The following SAMD5 variants were observed in gnomAD, a reference collection of about 807,000 sequenced individuals.
The protein encoded by SAMD5 is sterile alpha motif domain-containing protein 5.
A neutral mutation model predicts 11.3 loss-of-function variants in SAMD5; 13 were observed. That is an observed-to-expected ratio of 1.15 (90% CI 0.75 to 1.83). The LOEUF (loss-of-function observed/expected upper bound fraction) is 1.83, where lower values mean the gene tolerates loss of function less well. Among genes scored for constraint, SAMD5 ranks in the 40% most tolerant of loss-of-function variants. SAMD5 has a pLI of 0.00. For missense variants in SAMD5, 255 were observed against 239.1 expected (o/e 1.07, Z -0.44); for synonymous variants, 129 against 111.3 (o/e 1.16, Z -1.00).
intron 1 of SAMD5, among the ~76,000 whole-genome samples, chr6:147,545,402 C>A (rs1583076224): frequency 6.6e-6 from 1 of 152,230 alleles, no homozygotes; most frequent in East Asian, 1.9e-4. Flanking sequence ...ACTTTTGCCT[C>A]CTGGTTTGTA....
the SAMD5 span, among the ~76,000 whole-genome samples, chr6:147,752,547 G>A: frequency 6.6e-6 from 1 of 152,060 alleles, no homozygotes; most frequent in Non-Finnish European, 1.5e-5. Context: ...AGGCTTGCAA[G>A]TAATAATTAT....
the SAMD5 span, among the ~76,000 whole-genome samples, chr6:147,801,756 T>A: frequency 6.6e-6 from 1 of 152,136 alleles, no homozygotes; most frequent in African/African-American, 2.4e-5. Context: ...GGCATTAAAG[T>A]AGATAAACAA....
intron 1 of SAMD5, among the ~76,000 whole-genome samples, chr6:147,534,953 CAA>C (rs1183906980): frequency 6.6e-6 from 1 of 152,138 alleles, no homozygotes; most frequent in African/African-American, 2.4e-5. Flanking sequence ...AAGTTTCTCC[CAA>C]AGTTAGTTCA....
At chr6:147,698,345 G>C (rs1409951311) in intron 1 of SAMD5, among the ~76,000 whole-genome samples, 1 of 152,136 alleles carries the variant, frequency 6.6e-6, no homozygotes, top group East Asian at 1.9e-4. Context: ...GGGTATTCCA[G>C]TGTGTGAGTT....
At chr6:147,713,532 A>T (rs149960718) in intron 1 of SAMD5, among the ~76,000 whole-genome samples, 479 of 152,288 alleles carry the variant, frequency 3.1e-3, no homozygotes, top group African/African-American at 0.011. Flanking sequence ...GTCAGCCAAC[A>T]TCATCTGGAA....
At chr6:147,743,961 G>A in the SAMD5 span, among the ~76,000 whole-genome samples, 1 of 152,174 alleles carries the variant, frequency 6.6e-6, no homozygotes, top group African/African-American at 2.4e-5. Context: ...ATGGCTTTCT[G>A]GGTGGGGTTC....
intron 1 of SAMD5, among the ~76,000 whole-genome samples, chr6:147,577,278 C>T (rs1188721679): frequency 6.6e-6 from 1 of 152,166 alleles, no homozygotes; most frequent in Non-Finnish European, 1.5e-5. Context: ...CTTCCATGTC[C>T]ACATTAGAAA....
At chr6:147,911,233 C>A in the SAMD5 span, among the ~76,000 whole-genome samples, 1 of 152,174 alleles carries the variant, frequency 6.6e-6, no homozygotes, top group Non-Finnish European at 1.5e-5. Context: ...TGGATGGCTA[C>A]GTCAATGCTG....
intron 1 of SAMD5, among the ~76,000 whole-genome samples, chr6:147,539,662 A>T (rs1788568011): frequency 6.6e-6 from 1 of 151,788 alleles, no homozygotes. Context: ...ACCAGAAGTT[A>T]TCTTAGGACC....
rs79808625 is a variant in SAMD5 at position 147,650,614 on chromosome 6, G to T, written c.163-86703G>T. 6.2e-3 allele frequency among the ~76,000 whole-genome samples: 949 copies of T among 152,316 alleles called. 7 individuals are homozygous for T. Among genetic ancestry groups the T allele is most frequent in the Non-Finnish European group, 9.7e-3 (659 of 68,024 alleles). The stretch of plus-strand genomic sequence containing the variant: ...AGAATTCTGGATGAAGGTGTTACTC[G>T]TGGAAAAGATTGAGGTGTATCTGAT... On this transcript the variant is annotated intron_variant, in intron 1 of 1. Transcript: ENST00000566741.
the SAMD5 span, among the ~76,000 whole-genome samples, chr6:147,922,781 TCTA>T: frequency 6.6e-6 from 1 of 152,198 alleles, no homozygotes; most frequent in Non-Finnish European, 1.5e-5. Flanking sequence ...AAATTACAAA[TCTA>T]CTAAAAAATC....
intron 1 of SAMD5, among the ~76,000 whole-genome samples, chr6:147,548,532 A>C (rs559919041): frequency 1.3e-5 from 2 of 152,302 alleles, no homozygotes; most frequent in Admixed American, 6.5e-5. Context: ...ACTTGCTTAG[A>C]AGTCAATTCG....
the SAMD5 span, among the ~76,000 whole-genome samples, chr6:147,750,138 G>A: frequency 9.6e-4 from 146 of 152,274 alleles, 2 homozygotes; most frequent in East Asian, 0.026. Flanking sequence ...AGAAAACACA[G>A]CCTCTACCTG....
At chr6:147,777,898 T>A in the SAMD5 span, among the ~76,000 whole-genome samples, 1 of 152,238 alleles carries the variant, frequency 6.6e-6, no homozygotes, top group South Asian at 2.1e-4. Flanking sequence ...CCCATCATAT[T>A]TACCCATTTA....
chr6:147,667,249 G>A (rs1438154996), intron 1 of SAMD5, among the ~76,000 whole-genome samples: 1 of 151,982 alleles, frequency 6.6e-6, no homozygotes, highest in Non-Finnish European at 1.5e-5. Context: ...CACTTATTAG[G>A]TAAGGTGTTA....
the SAMD5 span, among the ~76,000 whole-genome samples, chr6:147,812,379 G>A: frequency 6.6e-6 from 1 of 152,102 alleles, no homozygotes; most frequent in East Asian, 1.9e-4. Flanking sequence ...GTGGGTGAAT[G>A]GGTGTGTCTC....
At chr6:147,892,843 T>G in the SAMD5 span, among the ~76,000 whole-genome samples, 30 of 152,184 alleles carry the variant, frequency 2.0e-4, no homozygotes, top group African/African-American at 6.3e-4. Flanking sequence ...ATCTCTTCAT[T>G]TAAAAAAAAT....
At position 147,566,954 on chromosome 6, in the gene SAMD5, T is replaced by C. The variant is rs1303821557; in HGVS notation, c.*2498T>C. On this transcript the variant is annotated 3_prime_UTR_variant, in exon 2 of 2. Transcript: ENST00000367474. Reference sequence around the variant, plus strand: ...ATCTAAACACCAATAATATACTTAATTTTTGAATATAAAAGAAGTAGCAAT... The same window carrying C: ...ATCTAAACACCAATAATATACTTAACTTTTGAATATAAAAGAAGTAGCAAT... 1 of 864,544 alleles carries C rather than the reference T, an allele frequency of 1.2e-6. No individual in the cohort carries two copies. The highest frequency in any genetic ancestry group is 1.4e-6 in the Non-Finnish European group (1 of 720,218). 53.6% of individuals were successfully genotyped at this position (864,544 alleles called of 1,614,324 possible). A position where few individuals can be genotyped will look rare whatever the true frequency, so the allele number is the denominator to read the frequency against.
At chr6:147,796,521 T>G in the SAMD5 span, among the ~76,000 whole-genome samples, 1 of 152,194 alleles carries the variant, frequency 6.6e-6, no homozygotes, top group Non-Finnish European at 1.5e-5. Context: ...GCTTTGTTCT[T>G]TTGGCTTAGG....
Sources: gnomAD v4.1 joint callset for allele counts (sites outside exome capture counted in the v4.1 genomes callset) on GRCh38, gnomAD v4.1.1 for gene constraint, MANE v1.5 for transcripts, NCBI Gene and HGNC (gene_info 2026-07-23, HGNC 2026-07-21) for gene names.